CDH19: variants seen among roughly 807,000 people sequenced by gnomAD.
CDH19 encodes the protein cadherin 19.
CDH19 carries 67 observed loss-of-function variants against 64.2 expected under a neutral mutation model. That is an observed-to-expected ratio of 1.04 (90% confidence interval 0.86 to 1.28). CDH19 has a LOEUF of 1.28. Among genes scored for constraint, CDH19 ranks in the 50% most tolerant of loss-of-function variants. The pLI, the probability that CDH19 is intolerant of heterozygous loss-of-function variation, is 0.00. For missense variants in CDH19, 1,030 were observed against 929.0 expected, an observed-to-expected ratio of 1.11 and a Z score of -1.41; for synonymous variants, 346 against 319.3, an observed-to-expected ratio of 1.08 and a Z score of -0.89.
chr18:66,524,816 T>C (rs1986158040), intron 9 of CDH19, among the ~76,000 whole-genome samples: 1 of 152,040 alleles, frequency 6.6e-6, no homozygotes, highest in East Asian at 1.9e-4. Context: ...TGTTTTATTC[T>C]GCCCCAATTT....
chr18:66,564,011 C>T (rs10503108), intron 3 of CDH19, among the ~76,000 whole-genome samples: 51,436 of 151,528 alleles, frequency 0.34, 9,565 homozygotes, highest in South Asian at 0.48. Context: ...ATGTTCAACT[C>T]ATGTTCCCAA....
intron 5 of CDH19, among the ~76,000 whole-genome samples, chr18:66,546,987 A>T (rs944792694): frequency 1.3e-5 from 2 of 152,136 alleles, no homozygotes; most frequent in Non-Finnish European, 2.9e-5. Context: ...AAACCTAAGG[A>T]TTTTGACGTC....
intron 10 of CDH19, among the ~76,000 whole-genome samples, chr18:66,509,827 C>A (rs1386828313): frequency 6.6e-6 from 1 of 151,720 alleles, no homozygotes; most frequent in Non-Finnish European, 1.5e-5. Flanking sequence ...TCTAATTAGA[C>A]AAAATAATTT....
chr18:66,558,844 A>C (rs1056336951), intron 3 of CDH19, among the ~76,000 whole-genome samples: 5 of 152,064 alleles, frequency 3.3e-5, no homozygotes, highest in African/African-American at 1.2e-4. Context: ...ATTTTTTATA[A>C]GAACATATGT....
Position 66,505,145 on chromosome 18 carries a change from A to G in CDH19, c.1986T>C (p.Ser662=), listed in dbSNP as rs1985126471. ...EAFDIAELRS[S]TIMRERKTRK... ...GAGTCTTGCGTTCCCGCATTATGGT[A>G]CTACTCCTCAGCTCTGCTATATCAA... Residue 662 remains serine (S), a synonymous_variant, in exon 12 of 12, where the codon AGT becomes AGC. Coordinates refer to ENST00000262150, the MANE Select transcript of CDH19 (RefSeq NM_021153.4). The G allele has an allele frequency of 5.0e-6, 8 of 1,613,446 alleles. No homozygotes were observed. The highest frequency in any genetic ancestry group is 4.5e-5 in the East Asian group (2 of 44,866).
At chr18:66,551,315 G>T in intron 4 of CDH19, 57 bp from the exon 5 acceptor site, 1 of 977,630 alleles carries the variant, frequency 1.0e-6, no homozygotes, top group Non-Finnish European at 1.6e-6. Flanking sequence ...CAAAGTTCTA[G>T]TTAATTTCTT....
intron 1 of CDH19, among the ~76,000 whole-genome samples, chr18:66,589,336 T>C (rs944140572): frequency 1.3e-5 from 2 of 151,634 alleles, no homozygotes; most frequent in African/African-American, 4.8e-5. Flanking sequence ...AACAGTGTAT[T>C]TCATTTTCCC....
chr18:66,509,300 A>T (rs547476906), intron 10 of CDH19, 54 bp from the exon 11 acceptor site: 377 of 1,502,816 alleles, frequency 2.5e-4, no homozygotes, highest in Non-Finnish European at 3.3e-4. Flanking sequence ...AGAAATTTGT[A>T]TGTAATAGTC....
chr18:66,513,811 T>C (rs1255178118), intron 9 of CDH19, among the ~76,000 whole-genome samples: 1 of 151,248 alleles, frequency 6.6e-6, no homozygotes, highest in Non-Finnish European at 1.5e-5. Context: ...AAAGAGAAAA[T>C]GAAAATAACT....
chr18:66,596,850 A>G (rs1988903319), intron 1 of CDH19, among the ~76,000 whole-genome samples: 2 of 151,734 alleles, frequency 1.3e-5, no homozygotes, highest in South Asian at 4.2e-4. Context: ...TGGGAGGCCG[A>G]GGCGGGCGGA....
chr18:66,528,373 C>T (rs511838), intron 9 of CDH19, among the ~76,000 whole-genome samples: 44,081 of 151,958 alleles, frequency 0.29, 9,690 homozygotes, highest in African/African-American at 0.62. Context: ...ATACTGTACG[C>T]CCATACATTT....
chr18:66,552,474 A>G (rs1185892676), intron 4 of CDH19, among the ~76,000 whole-genome samples: 1 of 88,880 alleles, frequency 1.1e-5, no homozygotes, highest in Non-Finnish European at 2.0e-5. Context: ...AGTGTTTCAC[A>G]CATGTAATCA....
chr18:66,505,193 AC>A lies in CDH19; in HGVS notation c.1937del (p.Gly646ValfsTer11). The A allele has an allele frequency of 6.2e-7, 1 of 1,612,382 alleles. No individual in the cohort carries two copies. ...CAAAGGCCTCTGTATCTTCTTCTCC[AC>A]CCCCTTCATCATCATATTGGAATAT... ...ENIFQYDDEG[G>X]GEEDTEAFDI... On this transcript the variant is annotated frameshift_variant, in exon 12 of 12. Coordinates refer to ENST00000262150, the MANE Select transcript of CDH19 (RefSeq NM_021153.4). LOFTEE classifies it low-confidence loss of function (END_TRUNC).
chr18:66,543,544 A>T (rs1986976549), intron 7 of CDH19, among the ~76,000 whole-genome samples: 1 of 152,078 alleles, frequency 6.6e-6, no homozygotes, highest in African/African-American at 2.4e-5. Flanking sequence ...ATTGTTACAA[A>T]TTAATTAAGA....
intron 7 of CDH19, among the ~76,000 whole-genome samples, chr18:66,537,663 C>A (rs1986727541): frequency 6.6e-6 from 1 of 151,962 alleles, no homozygotes; most frequent in East Asian, 1.9e-4. Context: ...TTTCTGGAAC[C>A]ACAAGATGCT....
At position 66,597,048 on chromosome 18, in the gene CDH19, C is replaced by T. The variant is rs374647171; in HGVS notation, c.-113+6906G>A. On this transcript the variant is annotated intron_variant, in intron 1 of 11. Transcript: ENST00000262150. Reference sequence around the variant, plus strand: ...AGTGAGCCGAGATCCCGCCACTGCACTCCAGCCTGGGCGACAGAGCGAGAC... The same window carrying T: ...AGTGAGCCGAGATCCCGCCACTGCATTCCAGCCTGGGCGACAGAGCGAGAC... Among the ~76,000 whole-genome samples, 8 of 128,300 alleles carry T rather than the reference C, an allele frequency of 6.2e-5. No individual in the cohort carries two copies. In the South Asian group the frequency reaches 1.3e-3, roughly 21 times the overall value. 84.2% of individuals were successfully genotyped at this position (128,300 alleles called of 152,430 possible).
At chr18:66,536,152 G>A (rs767540155) in intron 7 of CDH19, among the ~76,000 whole-genome samples, 1 of 151,396 alleles carries the variant, frequency 6.6e-6, no homozygotes, top group African/African-American at 2.4e-5. Context: ...AATAACTAGG[G>A]TTCAATAATG....
chr18:66,601,318 G>A (rs992406800), intron 1 of CDH19, among the ~76,000 whole-genome samples: 53 of 151,794 alleles, frequency 3.5e-4, no homozygotes, highest in African/African-American at 1.1e-3. Context: ...CATTTCCACA[G>A]GAATGACATT....
In CDH19 at chr18:66,509,355, C is replaced by T. The variant is rs1324535880; in HGVS notation, c.1577-109G>A. On this transcript the variant is annotated intron_variant, in intron 10 of 11. Transcript: ENST00000262150. Reference sequence around the variant, plus strand: ...GTATAGAGATATGATCAAGTAAGTTCAAATAAAAGGAAGACGAAATTTCTG... The same window carrying T: ...GTATAGAGATATGATCAAGTAAGTTTAAATAAAAGGAAGACGAAATTTCTG... 6 of 915,866 alleles carry T rather than the reference C, an allele frequency of 6.6e-6. No homozygotes were observed. In the African/African-American group the frequency reaches 1.0e-4, roughly 15 times the overall value. The allele number at this position is 915,866 out of a possible 1,614,324, so 56.7% of individuals were successfully genotyped here.
Sources: allele counts gnomAD v4.1 joint callset (sites outside exome capture counted in the v4.1 genomes callset), GRCh38; gene constraint gnomAD v4.1.1; transcripts MANE v1.5; gene names NCBI Gene and HGNC (gene_info 2026-07-23, HGNC 2026-07-21).